SUPV3L1: variants seen among roughly 807,000 people sequenced by gnomAD.
The protein encoded by SUPV3L1 is ATP-dependent RNA helicase SUPV3L1, mitochondrial.
In SUPV3L1, 35 loss-of-function variants were observed where a neutral mutation model predicts 70.0. The ratio of observed to expected loss-of-function variants is 0.50; its 90% CI spans 0.38 to 0.66. The LOEUF is 0.66. Among genes scored for constraint, SUPV3L1 ranks in the 30% least tolerant of loss-of-function variants. SUPV3L1 has a pLI of 0.00. For synonymous variants in SUPV3L1, 364 were observed against 341.9 expected (o/e 1.06, Z -0.71); for missense variants, 777 against 961.5 (o/e 0.81, Z 2.54).
intron 13 of SUPV3L1, among the ~76,000 whole-genome samples, chr10:69,206,594 C>T (rs530235492): frequency 6.6e-6 from 1 of 152,318 alleles, no homozygotes; most frequent in African/African-American, 2.4e-5. Flanking sequence ...CTCACGTTAC[C>T]AGTGAGGAAG....
rs774970057 is a variant in SUPV3L1, at chr10:69,208,881, G to T, written c.2207G>T (p.Arg736Ile). 3.7e-6 allele frequency: 6 copies of T among 1,614,094 alleles called. No homozygotes were observed. Among genetic ancestry groups the T allele is most frequent in the Non-Finnish European group, 4.2e-6 (5 of 1,180,012 alleles). The change falls in exon 15 of 15, where the codon AGA (arginine) becomes ATA (isoleucine). Residue 736 changes from arginine (R) to isoleucine (I), a missense_variant. Around this residue, in one of 2 missense-constraint regions of SUPV3L1, gnomAD observed 619 missense variants for 823.3 expected, o/e 0.75. Transcript: ENST00000359655. ...PDAGELSLAS[R>I]LVQQGLLTPD... is the part of the protein sequence containing the mutation. ...GCAGGAGAGCTGTCCCTTGCTTCCA[G>T]ATTGGTGCAGCAAGGACTCCTCACT...
intron 1 of SUPV3L1, among the ~76,000 whole-genome samples, chr10:69,181,513 A>C (rs1842059515): frequency 6.6e-6 from 1 of 152,232 alleles, no homozygotes; most frequent in Non-Finnish European, 1.5e-5. Flanking sequence ...TTCCAGTGTT[A>C]AGCAAGGCCT....
At chr10:69,189,619 C>G (rs901982085) in intron 5 of SUPV3L1, among the ~76,000 whole-genome samples, 184 bp downstream of exon 5, 3 of 151,094 alleles carry the variant, frequency 2.0e-5, no homozygotes, top group African/African-American at 4.8e-5. Flanking sequence ...AAAGATGCTA[C>G]CAACTGACTC....
intron 1 of SUPV3L1, among the ~76,000 whole-genome samples, chr10:69,181,999 C>CTT (rs1261271922): frequency 5.8e-5 from 8 of 137,416 alleles, no homozygotes; most frequent in Non-Finnish European, 1.1e-4. Flanking sequence ...TTTTTCTTTA[C>CTT]TTTTTTTTTT....
chr10:69,187,010 G>A (rs189242477), intron 3 of SUPV3L1, among the ~76,000 whole-genome samples: 235 of 152,242 alleles, frequency 1.5e-3, no homozygotes, highest in African/African-American at 5.2e-3. Context: ...ACGCAGAATG[G>A]GACATGCCCC....
chr10:69,186,346 A>AG, intron 2 of SUPV3L1, 97 bp from the exon 3 acceptor site: 3 of 798,570 alleles, frequency 3.8e-6, no homozygotes, highest in South Asian at 1.6e-5. Context: ...AAAAAAAAAG[A>AG]AAAAAAAAGA....
Position 69,198,359 on chromosome 10 carries a change from G to A in SUPV3L1, c.1024-13G>A. ...TGGGTGTGTCATTTTGCCATTTCAT[G>A]TCTTTATTGTAGGTTCGAGACTATA... is the stretch of plus-strand genomic sequence containing the variant. On this transcript the variant is annotated splice_polypyrimidine_tract_variant and intron_variant, in intron 8 of 14. Coordinates refer to ENST00000359655, the MANE Select transcript of SUPV3L1 (RefSeq NM_003171.5). 6.4e-7 allele frequency: 1 copy of A among 1,567,484 alleles called. No homozygotes were observed. The highest frequency in any genetic ancestry group is 8.6e-7 in the Non-Finnish European group (1 of 1,158,898).
intron 2 of SUPV3L1, among the ~76,000 whole-genome samples, 181 bp from the exon 3 acceptor site, chr10:69,186,262 C>G (rs771099143): frequency 2.2e-4 from 32 of 145,932 alleles, no homozygotes; most frequent in African/African-American, 2.8e-4. Flanking sequence ...CAGCTGCGGC[C>G]TTCCTTCATG....
At chr10:69,207,764 C>G (rs1842869244) in intron 13 of SUPV3L1, 29 bp from the exon 14 acceptor site, 2 of 1,597,606 alleles carry the variant, frequency 1.3e-6, no homozygotes, top group East Asian at 4.5e-5. Context: ...TGACACTTCT[C>G]TGAAACCCTT....
chr10:69,191,816 T>A (rs1564704266), intron 6 of SUPV3L1, 50 bp downstream of exon 6: 5 of 1,491,962 alleles, frequency 3.4e-6, no homozygotes, highest in Non-Finnish European at 4.6e-6. Context: ...TTAATTTTTT[T>A]TTTTTTTCAA....
rs773666084 is a variant in SUPV3L1 at position 69,189,252 on chromosome 10, C to T, written c.573-15C>T. On this transcript the variant is annotated splice_polypyrimidine_tract_variant and intron_variant, in intron 4 of 14. Coordinates refer to ENST00000359655, the MANE Select transcript of SUPV3L1 (RefSeq NM_003171.5). ...GAGGTTAATGGATTAAGCTGTTTAC[C>T]TACTCATGTTTTAGGTACCCAGATG... The T allele has an allele frequency of 1.2e-6, 2 of 1,608,054 alleles. No homozygotes were observed. Among genetic ancestry groups the T allele is most frequent in the African/African-American group, 1.3e-5 (1 of 74,732 alleles).
chr10:69,197,835 C>T (rs1426957740), intron 8 of SUPV3L1, among the ~76,000 whole-genome samples: 1 of 152,178 alleles, frequency 6.6e-6, no homozygotes, highest in Non-Finnish European at 1.5e-5. Flanking sequence ...TCCCAAAGTG[C>T]TGGGATTATA....
Position 69,200,343 on chromosome 10 carries a change from A to G in SUPV3L1, c.1362A>G (p.Arg454=). ...CCAGTATCAATGAAAAGGGAGAGAG[A>G]GAACTAGAACCAATCACAACCTCTC... ...IKPSINEKGE[R]ELEPITTSQA... is the part of the protein sequence containing the mutation. Residue 454 remains arginine (R), a synonymous_variant, in exon 11 of 15, where the codon AGA becomes AGG. Transcript: ENST00000359655. The G allele has an allele frequency of 6.2e-7, 1 of 1,614,182 alleles. No homozygotes were observed. Among genetic ancestry groups the G allele is most frequent in the Non-Finnish European group, 8.5e-7 (1 of 1,180,038 alleles).
chr10:69,200,465 A>G lies in SUPV3L1; in HGVS notation c.1484A>G (p.Lys495Arg). The change falls in exon 11 of 15, where the codon AAG (lysine) becomes AGG (arginine). Residue 495 changes from lysine to arginine, a missense_variant. Around this residue, in one of 2 missense-constraint regions of SUPV3L1, gnomAD observed 619 missense variants for 823.3 expected, o/e 0.75. Transcript: ENST00000359655. ...AATCATGAAGATCTCAGTTTATTAAAGGAAATTTTGAAGAGGCCTGTGGAT... is the reference window on the plus strand; with the variant it reads ...AATCATGAAGATCTCAGTTTATTAAGGGAAATTTTGAAGAGGCCTGTGGAT... ...TMNHEDLSLL[K>R]EILKRPVDPI... The G allele has an allele frequency of 6.2e-7, 1 of 1,614,132 alleles. No individual in the cohort carries two copies. Among genetic ancestry groups the G allele is most frequent in the Non-Finnish European group, 8.5e-7 (1 of 1,180,020 alleles).
chr10:69,196,042 C>A (rs929537207), intron 7 of SUPV3L1, among the ~76,000 whole-genome samples: 1 of 152,106 alleles, frequency 6.6e-6, no homozygotes, highest in Non-Finnish European at 1.5e-5. Flanking sequence ...CCACTACACC[C>A]AGCTTATTTT....
intron 13 of SUPV3L1, 83 bp downstream of exon 13, chr10:69,203,126 A>G: frequency 1.4e-6 from 2 of 1,404,522 alleles, no homozygotes; most frequent in Non-Finnish European, 1.9e-6. Context: ...TCAAAATAAA[A>G]TAATTACAAG....
intron 1 of SUPV3L1, among the ~76,000 whole-genome samples, chr10:69,183,206 G>C (rs899493013): frequency 1.9e-4 from 29 of 152,162 alleles, no homozygotes; most frequent in African/African-American, 6.8e-4. Context: ...AATGAGTCTT[G>C]TTGATTCTAC....
In SUPV3L1 at chr10:69,180,510, C is replaced by T. The variant is rs1842023253; in HGVS notation, c.219C>T (p.Gly73=). Residue 73 remains glycine (G), a synonymous_variant, in exon 1 of 15, where the codon GGC becomes GGT. Transcript: ENST00000359655. ...TGCCCCTGACTGTGAAACCTCAGGG[C>T]CCCAGCGCCGACGGCGACGTCGGGG... ...LFVPLTVKPQ[G]PSADGDVGAE... The T allele has an allele frequency of 6.2e-7, 1 of 1,614,240 alleles. No individual in the cohort carries two copies.
chr10:69,190,471 T>A (rs1842364105), intron 5 of SUPV3L1, among the ~76,000 whole-genome samples: 1 of 152,168 alleles, frequency 6.6e-6, no homozygotes, highest in Non-Finnish European at 1.5e-5. Flanking sequence ...ACATACATAA[T>A]ACCTCTTTAT....
Sources: gnomAD v4.1 joint callset for allele counts (sites outside exome capture counted in the v4.1 genomes callset) on GRCh38, gnomAD v4.1.1 for gene constraint, gnomAD v4.1.1 regional missense constraint, MANE v1.5 for transcripts, NCBI Gene and HGNC (gene_info 2026-07-23, HGNC 2026-07-21) for gene names.